Variants in SH3D19 observed in about 807,000 individuals in gnomAD.
SH3D19 encodes SH3 domain-containing protein 19.
Under a neutral mutation model 112.1 loss-of-function variants are expected in SH3D19, and 58 were observed. That is an observed-to-expected ratio of 0.52 (90% CI 0.42 to 0.64). The LOEUF is 0.64. SH3D19 is among the 30% of genes least tolerant of loss of function. The pLI is 0.00. For synonymous variants in SH3D19, 391 were observed against 448.5 expected, an observed-to-expected ratio of 0.87 and a Z score of 1.62; for missense variants, 1,090 against 1,263.4, an observed-to-expected ratio of 0.86 and a Z score of 2.08.
At position 151,121,247 on chromosome 4, in the gene SH3D19, T is replaced by G. The variant is rs182054142; in HGVS notation, c.*844A>C. 4.2e-3 allele frequency: 647 copies of G among 152,744 alleles called. 4 individuals carry two copies. Among genetic ancestry groups the G allele is most frequent in the Non-Finnish European group, 6.1e-3 (414 of 68,022 alleles). The allele number at this position is 152,744 out of a possible 1,614,324, so 9.5% of individuals were successfully genotyped here. A position where few individuals can be genotyped will look rare whatever the true frequency, so the allele number is the denominator to read the frequency against. ...CAGTTTTTATATATTACTGGAATAATGCAAAGAAAATGAATTTTCCTTTGG... is the reference window on the plus strand; with the variant it reads ...CAGTTTTTATATATTACTGGAATAAGGCAAAGAAAATGAATTTTCCTTTGG... On this transcript the variant is annotated 3_prime_UTR_variant, in exon 20 of 20. Coordinates refer to ENST00000604030, the MANE Select transcript of SH3D19 (RefSeq NM_001378122.1).
chr4:151,272,816 T>G (rs549236492), intron 1 of SH3D19, among the ~76,000 whole-genome samples: 1 of 151,796 alleles, frequency 6.6e-6, no homozygotes, highest in Non-Finnish European at 1.5e-5. Flanking sequence ...AGGAGGCACA[T>G]GTCTGCCTTG....
rs373289881 is a variant in SH3D19, at chr4:151,165,655, G to A, written c.1576C>T (p.Arg526Ter). ...CTGGTGGGTGCTGGTTGAACTGCTC[G>A]TTCTTTTATTGGTTCTGTTTTTGCA... is the stretch of plus-strand genomic sequence containing the variant. Reference protein sequence around the residue: ...LPAKTEPIKERAVQPAPTRKP... With the variant: ...LPAKTEPIKE The change falls in exon 8 of 20, where the codon CGA becomes TGA. Residue 526 changes from arginine (R) to a stop codon, truncating the protein, a stop_gained. Coordinates refer to ENST00000604030, the MANE Select transcript of SH3D19 (RefSeq NM_001378122.1). LOFTEE classifies it high-confidence loss of function. 1.1e-5 allele frequency: 17 copies of A among 1,613,950 alleles called. No homozygotes were observed. The highest frequency in any genetic ancestry group is 4.5e-5 in the East Asian group (2 of 44,884).
Position 151,175,105 on chromosome 4 carries a change from A to G in SH3D19, c.1099T>C (p.Tyr367His). 2 of 1,614,096 alleles carry G rather than the reference A, an allele frequency of 1.2e-6. No homozygotes were observed. The highest frequency in any genetic ancestry group is 1.1e-5 in the South Asian group (1 of 91,068). Reference protein sequence around the residue: ...KVTSKEGLTPYPPLQEAGSIP... With the variant: ...KVTSKEGLTPHPPLQEAGSIP... ...CTTCCCGCTTCTTGCAGGGGAGGGT[A>G]TGGGGTGAGTCCTTCCTTGGAGGTC... Residue 367 changes from tyrosine to histidine, a missense_variant, in exon 7 of 20, where the codon TAC (tyrosine) becomes CAC (histidine). Coordinates refer to ENST00000604030, the MANE Select transcript of SH3D19 (RefSeq NM_001378122.1).
chr4:151,162,352 G>A (rs561943885), intron 8 of SH3D19, among the ~76,000 whole-genome samples: 6 of 152,096 alleles, frequency 3.9e-5, no homozygotes, highest in South Asian at 4.2e-4. Context: ...GCTGCAGCCC[G>A]GCTAATTTTT....
chr4:151,283,896 G>A (rs1045323931), intron 1 of SH3D19, among the ~76,000 whole-genome samples: 10 of 152,040 alleles, frequency 6.6e-5, no homozygotes, highest in Admixed American at 1.3e-4. Flanking sequence ...AAAAGATGTC[G>A]TTCTATTGTC....
chr4:151,234,749 T>C (rs1340916640), intron 1 of SH3D19, among the ~76,000 whole-genome samples: 2 of 127,244 alleles, frequency 1.6e-5, no homozygotes, highest in Non-Finnish European at 3.3e-5. Context: ...TTTTTTTTTT[T>C]TTTTTTTTTT....
chr4:151,312,252 A>G (rs1231856680), intron 1 of SH3D19, among the ~76,000 whole-genome samples: 3 of 152,252 alleles, frequency 2.0e-5, no homozygotes, highest in Non-Finnish European at 1.5e-5. Context: ...CTGTTTGAAT[A>G]AAAGTTATCA....
At chr4:151,195,326 C>T (rs1401821064) in intron 2 of SH3D19, among the ~76,000 whole-genome samples, 3 of 126,492 alleles carry the variant, frequency 2.4e-5, no homozygotes, top group Admixed American at 2.1e-4. Flanking sequence ...GAGCCCAGAT[C>T]GCCCCACTGC....
intron 1 of SH3D19, among the ~76,000 whole-genome samples, chr4:151,254,895 G>T (rs1451898878): frequency 6.6e-6 from 1 of 151,072 alleles, no homozygotes; most frequent in African/African-American, 2.4e-5. Context: ...CAGTAGGGGC[G>T]GCCGGGCAGA....
At chr4:151,187,755 T>TA (rs1465530619) in intron 2 of SH3D19, among the ~76,000 whole-genome samples, 1 of 152,224 alleles carries the variant, frequency 6.6e-6, no homozygotes, top group East Asian at 1.9e-4. Context: ...CACTCGTAAT[T>TA]AGACAGCATT....
chr4:151,234,735 G>GT (rs541665981), intron 1 of SH3D19, among the ~76,000 whole-genome samples: 23 of 25,080 alleles, frequency 9.2e-4, no homozygotes, highest in Admixed American at 5.3e-3. Context: ...CCAAGTTTGT[G>GT]TTTTTTTTTT....
At chr4:151,163,135 A>G (rs1052153494) in intron 8 of SH3D19, among the ~76,000 whole-genome samples, 18 of 152,224 alleles carry the variant, frequency 1.2e-4, no homozygotes, top group Non-Finnish European at 2.4e-4. Context: ...TGGAGGAGTT[A>G]CATATGTCCT....
chr4:151,151,930 G>A (rs1427814152), intron 9 of SH3D19, among the ~76,000 whole-genome samples: 2 of 152,210 alleles, frequency 1.3e-5, no homozygotes, highest in Non-Finnish European at 2.9e-5. Flanking sequence ...ATGGAAAGAT[G>A]CAGATGATGT....
intron 11 of SH3D19, among the ~76,000 whole-genome samples, chr4:151,146,115 G>C (rs1049633922): frequency 6.6e-6 from 1 of 151,950 alleles, no homozygotes; most frequent in Non-Finnish European, 1.5e-5. Context: ...CTTCTTATTT[G>C]TCTTTACCCT....
Position 151,175,180 on chromosome 4 carries a change from TAGC to T in SH3D19, c.1021_1023del (p.Ala341del), listed in dbSNP as rs771375705. The T allele has an allele frequency of 8.7e-6, 14 of 1,614,068 alleles. No homozygotes were observed. Among genetic ancestry groups the T allele is most frequent in the Non-Finnish European group, 1.1e-5 (13 of 1,180,028 alleles). On this transcript the variant is annotated inframe_deletion, in exon 7 of 20. Coordinates refer to ENST00000604030, the MANE Select transcript of SH3D19 (RefSeq NM_001378122.1). ...GAGTCCCACTCTCCAGAAGCTCTGT[TAGC>T]AGCTGGTTTGGGAGCTACAGAAGGT...
Position 151,176,604 on chromosome 4 carries a change from A to C in SH3D19, c.459T>G (p.Thr153=), listed in dbSNP as rs1759993078. The change falls in exon 6 of 20, where the codon ACT becomes ACG. Residue 153 remains threonine (T), a synonymous_variant. Coordinates refer to ENST00000604030, the MANE Select transcript of SH3D19 (RefSeq NM_001378122.1). ...TTGCAGAAGTAATAGTGTGCCTTGG[A>C]GTAGCAGCAGCATTATTATTATTTG... The part of the protein sequence containing the change: ...NTTNNNNAAA[T]PRHTITSATQ... The C allele has an allele frequency of 4.9e-6, 6 of 1,231,814 alleles. No homozygotes were observed. The highest frequency in any genetic ancestry group is 3.1e-4 in the Middle Eastern group (1 of 3,208). 76.3% of individuals were successfully genotyped at this position (1,231,814 alleles called of 1,614,324 possible).
At chr4:151,318,022 G>A (rs908685402) in intron 1 of SH3D19, among the ~76,000 whole-genome samples, 4 of 150,624 alleles carry the variant, frequency 2.7e-5, no homozygotes, top group African/African-American at 9.7e-5. Flanking sequence ...GATAGGCCGG[G>A]TGCAGTGGCT....
intron 1 of SH3D19, among the ~76,000 whole-genome samples, chr4:151,256,549 T>C (rs1771935174): frequency 6.6e-6 from 1 of 152,178 alleles, no homozygotes; most frequent in Non-Finnish European, 1.5e-5. Flanking sequence ...ATATAAAAAA[T>C]GAGGAATGTT....
chr4:151,206,314 T>A (rs1580153154), intron 2 of SH3D19, among the ~76,000 whole-genome samples: 1 of 152,042 alleles, frequency 6.6e-6, no homozygotes, highest in Non-Finnish European at 1.5e-5. Flanking sequence ...AGGTTTTTTT[T>A]GTGTGTGTGT....
Sources: gnomAD v4.1 joint callset for allele counts (sites outside exome capture counted in the v4.1 genomes callset) on GRCh38, gnomAD v4.1.1 for gene constraint, MANE v1.5 for transcripts, NCBI Gene and HGNC (gene_info 2026-07-23, HGNC 2026-07-21) for gene names.